The following TNKS variants were observed in gnomAD, a reference collection of about 807,000 sequenced individuals.
TNKS encodes the protein poly [ADP-ribose] polymerase tankyrase-1.
Under a neutral mutation model 135.8 loss-of-function variants are expected in TNKS, and 72 were observed. The ratio of observed to expected loss-of-function variants is 0.53; its 90% confidence interval spans 0.44 to 0.64. The LOEUF (loss-of-function observed/expected upper bound fraction) is 0.64. Ranked by LOEUF, TNKS falls within the 30% of genes least tolerant of loss-of-function variation. TNKS has a pLI of 0.00. For missense variants in TNKS, 1,769 were observed against 1,674.0 expected (o/e 1.06, Z -0.99); for synonymous variants, 849 against 649.3 (o/e 1.31, Z -4.68).
chr8:9,648,501 C>G (rs972713057), intron 3 of TNKS, among the ~76,000 whole-genome samples: 5 of 152,160 alleles, frequency 3.3e-5, no homozygotes, highest in African/African-American at 1.2e-4. Context: ...TTCCCCTCCC[C>G]ATGCCGTCCC....
chr8:9,718,196 G>A (rs962423183), intron 11 of TNKS, among the ~76,000 whole-genome samples: 5 of 152,014 alleles, frequency 3.3e-5, no homozygotes, highest in African/African-American at 7.2e-5. Context: ...CTTTCAATTT[G>A]TTGTGGTTTG....
chr8:9,698,381 A>AAAG (rs1803626822), intron 5 of TNKS, among the ~76,000 whole-genome samples: 1 of 151,104 alleles, frequency 6.6e-6, no homozygotes, highest in South Asian at 2.1e-4. Context: ...AATGAAAAAA[A>AAAG]AAAAAAAAAA....
intron 2 of TNKS, among the ~76,000 whole-genome samples, chr8:9,589,828 C>T (rs531273442): frequency 2.0e-5 from 3 of 152,314 alleles, no homozygotes; most frequent in East Asian, 3.9e-4. Context: ...ATGCCTTCAA[C>T]GAAGATCTTA....
chr8:9,717,094 TA>T (rs1804648216), intron 11 of TNKS, among the ~76,000 whole-genome samples: 1 of 129,394 alleles, frequency 7.7e-6, no homozygotes, highest in African/African-American at 2.8e-5. Flanking sequence ...TATATATATA[TA>T]TATATATTTT....
At chr8:9,581,154 T>G (rs58615570) in intron 2 of TNKS, among the ~76,000 whole-genome samples, 1 of 152,218 alleles carries the variant, frequency 6.6e-6, no homozygotes, top group Non-Finnish European at 1.5e-5. Flanking sequence ...AATCAGTTTT[T>G]TAATGATGCA....
intron 1 of TNKS, among the ~76,000 whole-genome samples, chr8:9,578,868 G>T (rs576169192): frequency 1.3e-5 from 2 of 152,104 alleles, no homozygotes; most frequent in Admixed American, 6.5e-5. Context: ...ATAAAAATGC[G>T]AATATTTGCG....
chr8:9,758,454 C>G lies in TNKS; in HGVS notation c.3154-3062C>G, dbSNP rs368081495. ...ATTCCTTTTGTGTGACTGTAAGTATCTAATTGGATAAATGCCAAGATAGCG... is the reference window on the plus strand; with the variant it reads ...ATTCCTTTTGTGTGACTGTAAGTATGTAATTGGATAAATGCCAAGATAGCG... On this transcript the variant is annotated intron_variant, in intron 20 of 26. Transcript: ENST00000310430. Among the ~76,000 whole-genome samples, 283 of 152,192 alleles carry G rather than the reference C, an allele frequency of 1.9e-3. 5 individuals are homozygous for G. The South Asian group carries it at 0.055, about 30-fold the overall frequency.
At chr8:9,633,386 CA>C (rs1462144882) in intron 3 of TNKS, among the ~76,000 whole-genome samples, 11 of 152,168 alleles carry the variant, frequency 7.2e-5, no homozygotes, top group African/African-American at 2.7e-4. Flanking sequence ...TACATCTGTA[CA>C]ATAGTGAAGT....
intron 1 of TNKS, among the ~76,000 whole-genome samples, chr8:9,563,604 C>G (rs1043980179): frequency 6.6e-6 from 1 of 151,982 alleles, no homozygotes; most frequent in African/African-American, 2.4e-5. Context: ...ATTTTGTGTT[C>G]TTTCTTTTGT....
rs182390622 is a variant in TNKS at position 9,705,799 on chromosome 8, T to C, written c.1203-388T>C. Among the ~76,000 whole-genome samples the C allele has an allele frequency of 1.2e-3, 187 of 152,316 alleles. 1 individual carries two copies. Among genetic ancestry groups the C allele is most frequent in the Non-Finnish European group, 1.9e-3 (128 of 68,012 alleles). ...CTTTGATATGCAAGTTATAATAGTTTGGATATTTGATTATTTTGCTAGAAA... is the reference window on the plus strand; with the variant it reads ...CTTTGATATGCAAGTTATAATAGTTCGGATATTTGATTATTTTGCTAGAAA... On this transcript the variant is annotated intron_variant, in intron 6 of 26. Coordinates refer to ENST00000310430, the MANE Select transcript of TNKS (RefSeq NM_003747.3).
At chr8:9,568,956 G>C (rs1278831856) in intron 1 of TNKS, among the ~76,000 whole-genome samples, 4 of 152,150 alleles carry the variant, frequency 2.6e-5, no homozygotes, top group African/African-American at 9.7e-5. Context: ...TACTTGTTTT[G>C]AGCATTTAGA....
chr8:9,599,870 A>G lies in TNKS; in HGVS notation c.899-15712A>G, dbSNP rs114191429. ...CAAAATTGAATTGGAAGATTCTTTTATTATTGTAAAATTTCATGCCAGAGT... is the reference window on the plus strand; with the variant it reads ...CAAAATTGAATTGGAAGATTCTTTTGTTATTGTAAAATTTCATGCCAGAGT... On this transcript the variant is annotated intron_variant, in intron 2 of 26. Transcript: ENST00000310430. 4.6e-3 allele frequency among the ~76,000 whole-genome samples: 700 copies of G among 152,270 alleles called. 2 individuals carry two copies. The highest frequency in any genetic ancestry group is 0.015 in the African/African-American group (617 of 41,544).
At chr8:9,746,852 CT>C (rs1304563989) in intron 17 of TNKS, among the ~76,000 whole-genome samples, 2 of 146,512 alleles carry the variant, frequency 1.4e-5, no homozygotes, top group African/African-American at 2.6e-5. Flanking sequence ...CTCAGTGAGC[CT>C]TATCTGAGAG....
intron 3 of TNKS, among the ~76,000 whole-genome samples, chr8:9,622,302 A>T (rs1799896035): frequency 6.6e-6 from 1 of 152,174 alleles, no homozygotes. Flanking sequence ...TTCATACTGA[A>T]TGTTTAGATT....
intron 26 of TNKS, among the ~76,000 whole-genome samples, chr8:9,771,571 G>A (rs1751571287): frequency 7.2e-6 from 1 of 138,140 alleles, no homozygotes; most frequent in Non-Finnish European, 1.6e-5. Context: ...AAGCGAGAGA[G>A]GAAGGAAGAG....
chr8:9,598,622 T>C (rs1798882006), intron 2 of TNKS, among the ~76,000 whole-genome samples: 1 of 150,520 alleles, frequency 6.6e-6, no homozygotes, highest in Non-Finnish European at 1.5e-5. Context: ...ACTGAGCCAG[T>C]GATGCGGAGG....
chr8:9,727,570 C>T (rs1220621748), intron 13 of TNKS, among the ~76,000 whole-genome samples: 5 of 152,158 alleles, frequency 3.3e-5, no homozygotes, highest in African/African-American at 4.8e-5. Context: ...CACCACTGCA[C>T]CCAGCTTTGC....
intron 17 of TNKS, among the ~76,000 whole-genome samples, chr8:9,742,160 G>A (rs1436408607): frequency 6.6e-6 from 1 of 151,974 alleles, no homozygotes. Flanking sequence ...GTTTATAGCA[G>A]GTATTTTTAC....
intron 3 of TNKS, among the ~76,000 whole-genome samples, chr8:9,664,093 T>C (rs1801869617): frequency 1.3e-5 from 2 of 152,184 alleles, no homozygotes; most frequent in Admixed American, 6.5e-5. Context: ...GTCCATTTAA[T>C]GTGTTGCTGT....
Sources: allele counts gnomAD v4.1 joint callset (sites outside exome capture counted in the v4.1 genomes callset), GRCh38; gene constraint gnomAD v4.1.1; transcripts MANE v1.5; gene names NCBI Gene and HGNC (gene_info 2026-07-23, HGNC 2026-07-21).